The following SPRYD3 variants were observed in gnomAD, a reference collection of about 807,000 sequenced individuals.
SPRYD3 encodes SPRY domain-containing protein 3.
Under a neutral mutation model 50.1 loss-of-function variants are expected in SPRYD3, and 17 were observed. The ratio of observed to expected loss-of-function variants is 0.34; its 90% CI spans 0.23 to 0.51. The LOEUF is 0.51. Ranked by LOEUF, SPRYD3 falls within the 20% of genes least tolerant of loss-of-function variation. SPRYD3 has a pLI of 0.97. For synonymous variants in SPRYD3, 198 were observed against 215.5 expected (o/e 0.92, Z 0.71); for missense variants, 401 against 591.2 (o/e 0.68, Z 3.34).
chr12:53,077,318 GC>G, intron 1 of SPRYD3, 57 bp from the exon 2 acceptor site: 1 of 1,595,910 alleles, frequency 6.3e-7, no homozygotes, highest in Non-Finnish European at 8.6e-7. Flanking sequence ...AAGCACCTCA[GC>G]CTCTGTGACC....
intron 2 of SPRYD3, 151 bp from the exon 3 acceptor site, chr12:53,075,962 G>C: frequency 3.0e-6 from 2 of 667,080 alleles, no homozygotes; most frequent in South Asian, 3.4e-5. Flanking sequence ...ATCAGAACCA[G>C]ATACTTAAGG....
In SPRYD3 at chr12:53,073,370, C is replaced by G. The variant is rs768904965; in HGVS notation, c.609G>C (p.Leu203=). ...EEVRLHLNAE[L]GREDDSVMMV... ...TCATGACGCTGTCGTCCTCACGGCC[C>G]AGCTCAGCGTTGAGGTGCAGCCGCA... Residue 203 remains leucine, a synonymous_variant, in exon 6 of 11, where the codon CTG becomes CTC. Coordinates refer to ENST00000301463, the MANE Select transcript of SPRYD3 (RefSeq NM_032840.3). 5.6e-6 allele frequency: 9 copies of G among 1,593,920 alleles called. No homozygotes were observed. In the African/African-American group the frequency reaches 9.4e-5, roughly 17 times the overall value.
intron 1 of SPRYD3, 110 bp downstream of exon 1, chr12:53,079,201 C>A (rs1482684212): frequency 9.5e-6 from 11 of 1,163,566 alleles, no homozygotes; most frequent in Non-Finnish European, 1.4e-5. Flanking sequence ...GTGACCAGAG[C>A]GCAGGGCCCC....
At chr12:53,067,579 G>C in intron 8 of SPRYD3, 69 bp downstream of exon 8, 1 of 1,484,502 alleles carries the variant, frequency 6.7e-7, no homozygotes, top group African/African-American at 1.4e-5. Context: ...CCAGGAGAGG[G>C]GAAAGTGGAT....
At position 53,075,659 on chromosome 12, in the gene SPRYD3, G is replaced by GTAAAGGAGCTTCTTGGGGCTTAATGA. The variant is rs1592266773; in HGVS notation, c.246+51_246+76dup. ...TTAAAAGGCCCAGGTCATACATCTA[G>GTAAAGGAGCTTCTTGGGGCTTAATGA]TAAAGGAGCTTCTTGGGGCTTAATG... On this transcript the variant is annotated intron_variant, in intron 3 of 10. Transcript: ENST00000301463. 4.2e-6 allele frequency: 5 copies of GTAAAGGAGCTTCTTGGGGCTTAATGA among 1,193,958 alleles called. No individual in the cohort carries two copies. In the East Asian group the frequency reaches 1.2e-4, roughly 28 times the overall value. 74.0% of individuals were successfully genotyped at this position (1,193,958 alleles called of 1,614,324 possible).
In SPRYD3 at chr12:53,074,662, T is replaced by C; in HGVS notation, c.494A>G (p.Lys165Arg). 1 of 1,614,288 alleles carries C rather than the reference T, an allele frequency of 6.2e-7. No individual in the cohort carries two copies. The highest frequency in any genetic ancestry group is 1.3e-5 in the African/African-American group (1 of 75,084). The change falls in exon 5 of 11, where the codon AAA becomes AGA. Residue 165 changes from lysine to arginine, a missense_variant. By Grantham distance (26) the Lys-to-Arg change is conservative (BLOSUM62 2). Transcript: ENST00000301463. The surrounding 1 kb of genome is among the most constrained non-coding windows in gnomAD (Gnocchi z 4.6). ...TTTCCCACTCACCCGCTTCCCATTT[T>C]TGGTGAAGAAGATCTGGGCGGTCTG... Reference protein sequence around the residue: ...DVQTAQIFFTKNGKRVGSTIM... With the variant: ...DVQTAQIFFTRNGKRVGSTIM...
rs1246667880 is a variant in SPRYD3 at position 53,065,981 on chromosome 12, G to T, written c.1195-15C>A. 3.7e-6 allele frequency: 6 copies of T among 1,609,756 alleles called. No individual in the cohort carries two copies. The highest frequency in any genetic ancestry group is 5.1e-6 in the Non-Finnish European group (6 of 1,177,030). ...GTGAAGAAAACCTGGGGAGGAGGTG[G>T]GGAGAAGAATGGAGCAAGCAGGCTG... On this transcript the variant is annotated splice_polypyrimidine_tract_variant and intron_variant, in intron 10 of 10. Transcript: ENST00000301463.
chr12:53,075,011 GA>G (rs2121207483), intron 4 of SPRYD3, 83 bp downstream of exon 4: 1 of 1,568,226 alleles, frequency 6.4e-7, no homozygotes. Flanking sequence ...CACCCAATGG[GA>G]AAAGCCAGCC....
rs1944574055 is a variant in SPRYD3 at position 53,074,528 on chromosome 12, G to T, written c.507+121C>A. 10 of 1,190,360 alleles carry T rather than the reference G, an allele frequency of 8.4e-6. No homozygotes were observed. Among genetic ancestry groups the T allele is most frequent in the Non-Finnish European group, 1.2e-5 (10 of 815,686 alleles). 73.7% of individuals were successfully genotyped at this position (1,190,360 alleles called of 1,614,324 possible). ...GAGAATCTGAGGCTGGACTGGAGGAGATGGGAACTCAGTGCAAGGGTCCCT... is the reference window on the plus strand; with the variant it reads ...GAGAATCTGAGGCTGGACTGGAGGATATGGGAACTCAGTGCAAGGGTCCCT... On this transcript the variant is annotated intron_variant, in intron 5 of 10. Transcript: ENST00000301463. This position sits in a 1 kb window ranked among gnomAD's most constrained non-coding sequence, Gnocchi z 4.6.
chr12:53,065,816 G>T lies in SPRYD3; in HGVS notation c.*16C>A, dbSNP rs1304628354. Reference sequence around the variant, plus strand: ...GAGGGTGAGCAGGGAGAAGGAGCAGGTCTGGAGGGGAGGCCCTAGCCACTC... The same window carrying T: ...GAGGGTGAGCAGGGAGAAGGAGCAGTTCTGGAGGGGAGGCCCTAGCCACTC... On this transcript the variant is annotated 3_prime_UTR_variant, in exon 11 of 11. Coordinates refer to ENST00000301463, the MANE Select transcript of SPRYD3 (RefSeq NM_032840.3). 1 of 1,609,650 alleles carries T rather than the reference G, an allele frequency of 6.2e-7. No homozygotes were observed. Among genetic ancestry groups the T allele is most frequent in the Admixed American group, 1.7e-5 (1 of 59,830 alleles).
In SPRYD3 at chr12:53,066,902, C is replaced by A. The variant is rs145142091; in HGVS notation, c.902-210G>T. On this transcript the variant is annotated intron_variant, in intron 8 of 10. Coordinates refer to ENST00000301463, the MANE Select transcript of SPRYD3 (RefSeq NM_032840.3). ...CCAAGGAGGGTGGATCACCTGAAGT[C>A]AGGAGTTTGAGACCAGCATGGCCAG... is the stretch of plus-strand genomic sequence containing the variant. 0.02 allele frequency among the ~76,000 whole-genome samples: 3,051 copies of A among 152,252 alleles called. 43 individuals are homozygous for A. Among genetic ancestry groups the A allele is most frequent in the Non-Finnish European group, 0.032 (2,177 of 68,012 alleles).
At chr12:53,077,010 G>T in intron 2 of SPRYD3, 105 bp downstream of exon 2, 1 of 1,149,660 alleles carries the variant, frequency 8.7e-7, no homozygotes, top group Non-Finnish European at 1.2e-6. Context: ...CCTGTGCAGT[G>T]CACAGTCCCC....
At chr12:53,073,260 C>CGGGGGGGGGGGGGGGGGG in intron 6 of SPRYD3, 26 bp downstream of exon 6, 8 of 416,300 alleles carry the variant, frequency 1.9e-5, no homozygotes, top group Admixed American at 4.4e-5. Flanking sequence ...GACCCAGCCC[C>CGGGGGGGGGGGGGGGGGG]TCCCACCCTC....
chr12:53,066,160 C>T (rs1944504102), intron 10 of SPRYD3, among the ~76,000 whole-genome samples, 154 bp downstream of exon 10: 1 of 152,160 alleles, frequency 6.6e-6, no homozygotes, highest in Non-Finnish European at 1.5e-5. Flanking sequence ...GACCGTCTCC[C>T]GATCTCAGCA....
intron 6 of SPRYD3, among the ~76,000 whole-genome samples, chr12:53,069,089 G>T (rs768592151): frequency 6.6e-6 from 1 of 152,100 alleles, no homozygotes; most frequent in Non-Finnish European, 1.5e-5. Context: ...GGGCTCTTCA[G>T]TCCCACAATG....
rs1009790700 is a variant in SPRYD3, at chr12:53,067,984, G to C, written c.843+171C>G. On this transcript the variant is annotated intron_variant, in intron 7 of 10. Coordinates refer to ENST00000301463, the MANE Select transcript of SPRYD3 (RefSeq NM_032840.3). ...CCTGTCTCAGGTCCTTGGTCACATG[G>C]GGTGTGTACTCTTACACAGCAGACA... Among the ~76,000 whole-genome samples, 4 of 152,114 alleles carry C rather than the reference G, an allele frequency of 2.6e-5. No homozygotes were observed. In the South Asian group the frequency reaches 8.3e-4, roughly 31 times the overall value.
chr12:53,076,398 T>C (rs1228156105), intron 2 of SPRYD3, among the ~76,000 whole-genome samples: 2 of 152,128 alleles, frequency 1.3e-5, no homozygotes, highest in African/African-American at 2.4e-5. Flanking sequence ...GGGCTGGAAA[T>C]ACAGGAGTTG....
rs1944615579 is a variant in SPRYD3, at chr12:53,079,348, G to A, written c.-15C>T. On this transcript the variant is annotated 5_prime_UTR_variant, in exon 1 of 11. Coordinates refer to ENST00000301463, the MANE Select transcript of SPRYD3 (RefSeq NM_032840.3). ...GTCCTCCTCATCCATAGGCCTCTCA[G>A]CTCCGCACACAAGCTCTTCGGCCGC... The A allele has an allele frequency of 6.2e-7, 1 of 1,605,940 alleles. No individual in the cohort carries two copies. The highest frequency in any genetic ancestry group is 1.7e-4 in the Middle Eastern group (1 of 6,030).
intron 6 of SPRYD3, 27 bp downstream of exon 6, chr12:53,073,259 C>CCCGGGGGGGGGGGGGGGGGGGGGG: frequency 2.5e-6 from 1 of 400,932 alleles, no homozygotes; most frequent in Non-Finnish European, 4.6e-6. Context: ...CGACCCAGCC[C>CCCGGGGGGGGGGGGGGGGGGGGGG]CTCCCACCCT....
Sources: allele counts gnomAD v4.1 joint callset (sites outside exome capture counted in the v4.1 genomes callset), GRCh38; gene constraint gnomAD v4.1.1; non-coding constraint Gnocchi (gnomAD v3.1); transcripts MANE v1.5; gene names NCBI Gene and HGNC (gene_info 2026-07-23, HGNC 2026-07-21).